Variants in HNF4G observed in about 807,000 individuals in gnomAD.
HNF4G encodes hepatocyte nuclear factor 4-gamma.
Under a neutral mutation model 50.9 loss-of-function variants are expected in HNF4G, and 21 were observed. That is an observed-to-expected ratio of 0.41 (90% CI 0.29 to 0.59). HNF4G has a LOEUF of 0.59. Ranked by LOEUF, HNF4G falls within the 20% of genes least tolerant of loss-of-function variation. The pLI, the probability that HNF4G is intolerant of heterozygous loss-of-function variation, is 0.26. For synonymous variants in HNF4G, 198 were observed against 185.6 expected, an observed-to-expected ratio of 1.07 and a Z score of -0.54; for missense variants, 527 against 559.4, an observed-to-expected ratio of 0.94 and a Z score of 0.58.
At chr8:75,486,525 G>C (rs1726848719) in intron 1 of HNF4G, among the ~76,000 whole-genome samples, 1 of 152,138 alleles carries the variant, frequency 6.6e-6, no homozygotes, top group South Asian at 2.1e-4. Context: ...CCTTGCCTAA[G>C]AGTATTTCAC....
In HNF4G at chr8:75,558,858, T is replaced by C. The variant is rs773651304; in HGVS notation, c.944T>C (p.Ile315Thr). The C allele has an allele frequency of 6.2e-7, 1 of 1,614,028 alleles. No individual in the cohort carries two copies. Among genetic ancestry groups the C allele is most frequent in the African/African-American group, 1.3e-5 (1 of 75,010 alleles). Residue 315 changes from isoleucine to threonine, a missense_variant, in exon 8 of 10, where the codon ATC becomes ACC. Physicochemically the swap from Ile to Thr is moderately conservative, Grantham distance 89. Around this residue, in one of 5 missense-constraint regions of HNF4G, gnomAD observed 308 missense variants for 301.5 expected, o/e 1.02. Transcript: ENST00000396423. ...AAGAACATGAGGTTCCAAGTGCAGA[T>C]CGGTTTGGAGGACTACATCAATGAT... is the stretch of plus-strand genomic sequence containing the variant. ...KIKNMRFQVQ[I>T]GLEDYINDRQ...
intron 2 of HNF4G, among the ~76,000 whole-genome samples, chr8:75,496,387 G>A (rs1006283433): frequency 6.6e-6 from 1 of 151,698 alleles, no homozygotes; most frequent in Non-Finnish European, 1.5e-5. Flanking sequence ...CAACTCAGTG[G>A]ATGTTACATT....
chr8:75,441,203 A>G (rs898807574), intron 1 of HNF4G, among the ~76,000 whole-genome samples: 9 of 151,744 alleles, frequency 5.9e-5, no homozygotes, highest in African/African-American at 2.2e-4. Flanking sequence ...GCTACCTTGT[A>G]ACAAATTTTT....
intron 2 of HNF4G, among the ~76,000 whole-genome samples, chr8:75,531,846 G>T (rs1250156330): frequency 2.0e-5 from 3 of 152,014 alleles, no homozygotes; most frequent in African/African-American, 7.2e-5. Flanking sequence ...TATCCACAGG[G>T]TTACTGAAAC....
intron 2 of HNF4G, among the ~76,000 whole-genome samples, chr8:75,502,753 T>A (rs953295545): frequency 1.3e-5 from 2 of 152,170 alleles, no homozygotes; most frequent in Non-Finnish European, 2.9e-5. Context: ...ACCTAAAAAA[T>A]TTGACCTATA....
intron 2 of HNF4G, among the ~76,000 whole-genome samples, chr8:75,498,366 A>G (rs1333212489): frequency 1.3e-5 from 2 of 152,174 alleles, no homozygotes; most frequent in East Asian, 3.9e-4. Flanking sequence ...AAGTAAAAAT[A>G]GCAACTCTGA....
At chr8:75,547,721 A>G (rs1392461574) in intron 3 of HNF4G, 40 bp downstream of exon 3, 1 of 1,224,100 alleles carries the variant, frequency 8.2e-7, no homozygotes, top group Admixed American at 1.7e-5. Flanking sequence ...TATTGATGAA[A>G]AGTGATAAAC....
At chr8:75,428,626 A>T (rs899235765) in intron 1 of HNF4G, among the ~76,000 whole-genome samples, 1 of 152,176 alleles carries the variant, frequency 6.6e-6, no homozygotes, top group African/African-American at 2.4e-5. Flanking sequence ...AACTTAGAAA[A>T]CAAAGGAAAA....
chr8:75,494,499 A>G (rs765810463), intron 2 of HNF4G, among the ~76,000 whole-genome samples: 10 of 152,214 alleles, frequency 6.6e-5, no homozygotes, highest in Non-Finnish European at 1.3e-4. Flanking sequence ...GTGACCATTG[A>G]GAATTCTGCT....
chr8:75,545,919 C>A (rs1806765283), intron 2 of HNF4G, among the ~76,000 whole-genome samples: 1 of 151,906 alleles, frequency 6.6e-6, no homozygotes. Context: ...CAATCTGGTC[C>A]TCTCTCCTGA....
chr8:75,416,079 A>G (rs1293343019), intron 1 of HNF4G, among the ~76,000 whole-genome samples: 2 of 152,130 alleles, frequency 1.3e-5, no homozygotes, highest in Admixed American at 1.3e-4. Flanking sequence ...CCCTAGATAA[A>G]TAAAGTAAAA....
chr8:75,512,206 G>T (rs1379825145), intron 2 of HNF4G, among the ~76,000 whole-genome samples: 1 of 151,494 alleles, frequency 6.6e-6, no homozygotes, highest in East Asian at 1.9e-4. Flanking sequence ...TCTCTTGTTA[G>T]GGCCTCTGGT....
At chr8:75,544,824 A>G (rs1806727764) in intron 2 of HNF4G, among the ~76,000 whole-genome samples, 1 of 152,170 alleles carries the variant, frequency 6.6e-6, no homozygotes, top group Non-Finnish European at 1.5e-5. Context: ...GGTTCTGTCA[A>G]TAAAAGGTAC....
rs112258720 is a variant in HNF4G at position 75,441,246 on chromosome 8, CT to C, written c.-144+33099del. ...AATTTCTTTAAAGCCAAGATTAGAACTTTTTTTTTTTTTTTCTGAGACAGAG... is the reference window on the plus strand; with the variant it reads ...AATTTCTTTAAAGCCAAGATTAGAACTTTTTTTTTTTTTTCTGAGACAGAG... On this transcript the variant is annotated intron_variant, in intron 1 of 10. Coordinates refer to the HNF4G transcript ENST00000354370. Among the ~76,000 whole-genome samples, 744 of 142,182 alleles carry C rather than the reference CT, an allele frequency of 5.2e-3. 8 individuals carry two copies. The highest frequency in any genetic ancestry group is 0.012 in the African/African-American group (481 of 38,950). 93.3% of individuals were successfully genotyped at this position (142,182 alleles called of 152,430 possible). A position where few individuals can be genotyped will look rare whatever the true frequency, so the allele number is the denominator to read the frequency against.
chr8:75,418,502 C>G (rs1330938062), intron 1 of HNF4G, among the ~76,000 whole-genome samples: 1 of 152,054 alleles, frequency 6.6e-6, no homozygotes, highest in African/African-American at 2.4e-5. Flanking sequence ...GAATCAAAAC[C>G]ATTTATGTTT....
rs1378140248 is a variant in HNF4G at position 75,424,626 on chromosome 8, G to C, written c.-144+16464G>C. Among the ~76,000 whole-genome samples the C allele has an allele frequency of 9.9e-5, 15 of 152,150 alleles. No homozygotes were observed. The East Asian group carries it at 2.5e-3, about 25-fold the overall frequency. ...CAAGATTTAGTGCCCACTTATAAGT[G>C]AGAACATGCAATAACTGGTTTTCTG... On this transcript the variant is annotated intron_variant, in intron 1 of 10. Transcript: ENST00000354370.
intron 2 of HNF4G, among the ~76,000 whole-genome samples, chr8:75,503,172 T>A (rs1239830044): frequency 1.3e-5 from 2 of 152,180 alleles, no homozygotes; most frequent in African/African-American, 4.8e-5. Flanking sequence ...AGGAAAGCAC[T>A]AGTTGAGAGA....
chr8:75,533,031 T>C (rs1467877014), intron 2 of HNF4G, among the ~76,000 whole-genome samples: 1 of 152,028 alleles, frequency 6.6e-6, no homozygotes, highest in Non-Finnish European at 1.5e-5. Context: ...CAGGGATTTT[T>C]CTCTATTTTT....
chr8:75,452,924 T>A (rs1563512770), intron 1 of HNF4G, among the ~76,000 whole-genome samples: 1 of 152,188 alleles, frequency 6.6e-6, no homozygotes, highest in African/African-American at 2.4e-5. Flanking sequence ...TAATTTTGGT[T>A]CTTGAGCACA....
Sources: gnomAD v4.1 joint callset for allele counts (sites outside exome capture counted in the v4.1 genomes callset) on GRCh38, gnomAD v4.1.1 for gene constraint, gnomAD v4.1.1 regional missense constraint, MANE v1.5 for transcripts, NCBI Gene and HGNC (gene_info 2026-07-23, HGNC 2026-07-21) for gene names.